CCDC171: variants seen among roughly 807,000 people sequenced by gnomAD.
CCDC171 encodes coiled-coil domain containing 171.
A neutral mutation model predicts 168.2 loss-of-function variants in CCDC171; 177 were observed. That is an observed-to-expected ratio of 1.05 (90% CI 0.93 to 1.19). The LOEUF is 1.19. Among genes scored for constraint, CCDC171 ranks in the 50% most tolerant of loss-of-function variants. CCDC171 has a pLI of 0.00. For missense variants in CCDC171, 1,991 were observed against 1,539.0 expected, an observed-to-expected ratio of 1.29 and a Z score of -4.91; for synonymous variants, 687 against 540.8, an observed-to-expected ratio of 1.27 and a Z score of -3.75.
chr9:15,913,290 A>G lies in CCDC171; in HGVS notation c.3601-6980A>G, dbSNP rs569131974. Among the ~76,000 whole-genome samples the G allele has an allele frequency of 6.6e-5, 10 of 152,198 alleles. No individual in the cohort carries two copies. In the South Asian group the frequency reaches 1.0e-3, roughly 16 times the overall value. On this transcript the variant is annotated intron_variant, in intron 24 of 25. Transcript: ENST00000380701. ...ATGTGTCCAGGAATTTATCCATGTC[A>G]TCTAGATCTTCTAGTTTATTTGCAT... is the stretch of plus-strand genomic sequence containing the variant.
At chr9:15,823,052 G>A (rs1318630282) in intron 21 of CCDC171, among the ~76,000 whole-genome samples, 1 of 152,090 alleles carries the variant, frequency 6.6e-6, no homozygotes, top group African/African-American at 2.4e-5. Flanking sequence ...GGATGAAGCT[G>A]GAAACCATCA....
chr9:15,886,606 A>C (rs942927016), intron 24 of CCDC171: 1 of 152,136 alleles, frequency 6.6e-6, no homozygotes, highest in African/African-American at 2.4e-5. Context: ...CAGCAATCCT[A>C]CTTCTGGGTA....
chr9:15,597,713 A>G (rs1448038221), intron 6 of CCDC171, among the ~76,000 whole-genome samples: 1 of 152,186 alleles, frequency 6.6e-6, no homozygotes, highest in Non-Finnish European at 1.5e-5. Context: ...TAGTTTCAGA[A>G]GGAATGGTAC....
At chr9:15,620,280 T>C (rs1186314393) in intron 6 of CCDC171, among the ~76,000 whole-genome samples, 1 of 152,210 alleles carries the variant, frequency 6.6e-6, no homozygotes, top group Non-Finnish European at 1.5e-5. Context: ...GAAAACTTTC[T>C]GGAAAGGATT....
chr9:16,036,949 A>T (rs1341291436), intron 8 of CCDC171, among the ~76,000 whole-genome samples: 1 of 152,202 alleles, frequency 6.6e-6, no homozygotes, highest in African/African-American at 2.4e-5. Flanking sequence ...GCATGTTTTC[A>T]TTTGTGGGAG....
chr9:15,975,990 A>C (rs1278067996), downstream of CCDC171, among the ~76,000 whole-genome samples: 1 of 152,136 alleles, frequency 6.6e-6, no homozygotes, highest in African/African-American at 2.4e-5. Context: ...GGAGAGGAAA[A>C]GGTGATACGA....
At chr9:15,687,693 G>T (rs1212874257) in intron 10 of CCDC171, among the ~76,000 whole-genome samples, 1 of 151,900 alleles carries the variant, frequency 6.6e-6, no homozygotes, top group Non-Finnish European at 1.5e-5. Context: ...AACGAAAGGG[G>T]GATATAACTA....
At chr9:15,825,218 G>T (rs1473651477) in intron 21 of CCDC171, among the ~76,000 whole-genome samples, 1 of 152,062 alleles carries the variant, frequency 6.6e-6, no homozygotes, top group Non-Finnish European at 1.5e-5. Context: ...ATAGTCTCCT[G>T]CATTAAAGAC....
At chr9:15,631,349 G>C (rs564145742) in intron 7 of CCDC171, among the ~76,000 whole-genome samples, 1 of 152,008 alleles carries the variant, frequency 6.6e-6, no homozygotes, top group East Asian at 1.9e-4. Flanking sequence ...TATCACCACC[G>C]ATCCCACAGA....
At chr9:15,809,213 C>T (rs1170021523) in intron 21 of CCDC171, among the ~76,000 whole-genome samples, 1 of 152,130 alleles carries the variant, frequency 6.6e-6, no homozygotes, top group African/African-American at 2.4e-5. Flanking sequence ...GCACATGTGG[C>T]TGAGAATTAG....
At chr9:15,770,438 A>G (rs951466228) in intron 18 of CCDC171, among the ~76,000 whole-genome samples, 3 of 152,328 alleles carry the variant, frequency 2.0e-5, no homozygotes, top group African/African-American at 7.2e-5. Flanking sequence ...TGGATTTAAA[A>G]TGATTATTCT....
intron 3 of CCDC171, among the ~76,000 whole-genome samples, chr9:15,988,571 G>T (rs1390186335): frequency 6.6e-6 from 1 of 152,184 alleles, no homozygotes; most frequent in African/African-American, 2.4e-5. Context: ...TTGTCAGACA[G>T]TGGGGGTAGG....
intron 21 of CCDC171, among the ~76,000 whole-genome samples, chr9:15,797,876 G>C (rs2058636421): frequency 6.6e-6 from 1 of 152,094 alleles, no homozygotes. Context: ...AGTTATTCCT[G>C]TGCTGTTTAA....
intron 8 of CCDC171, among the ~76,000 whole-genome samples, chr9:15,659,028 A>G (rs1028855177): frequency 1.3e-5 from 2 of 152,320 alleles, no homozygotes; most frequent in South Asian, 4.1e-4. Flanking sequence ...GAAAGTGGGC[A>G]GATGCAGTTG....
chr9:15,866,524 T>G (rs2061794591), intron 23 of CCDC171, among the ~76,000 whole-genome samples: 1 of 151,986 alleles, frequency 6.6e-6, no homozygotes, highest in South Asian at 2.1e-4. Flanking sequence ...AGCAGCCTTT[T>G]TGCTTTAATT....
chr9:15,955,276 G>T (rs564890074), intron 25 of CCDC171, among the ~76,000 whole-genome samples: 8 of 152,204 alleles, frequency 5.3e-5, no homozygotes, highest in South Asian at 2.1e-4. Context: ...GGTCCCAAAG[G>T]GGGGAAAAGA....
chr9:15,781,511 A>T (rs761945730), intron 20 of CCDC171, among the ~76,000 whole-genome samples: 12 of 152,082 alleles, frequency 7.9e-5, no homozygotes, highest in Non-Finnish European at 1.8e-4. Context: ...TCCACCTCCC[A>T]GGTTCAAGGA....
intron 16 of CCDC171, among the ~76,000 whole-genome samples, chr9:15,730,420 A>G (rs2054082158): frequency 6.6e-6 from 1 of 151,964 alleles, no homozygotes; most frequent in Non-Finnish European, 1.5e-5. Context: ...TTATATTGTT[A>G]ACTATCATCT....
intron 7 of CCDC171, among the ~76,000 whole-genome samples, chr9:15,626,855 C>T (rs977668450): frequency 6.6e-6 from 1 of 152,196 alleles, no homozygotes; most frequent in African/African-American, 2.4e-5. Flanking sequence ...AGAGTTCCCT[C>T]TTTTTCTAAT....
Sources: allele counts gnomAD v4.1 joint callset (sites outside exome capture counted in the v4.1 genomes callset), GRCh38; gene constraint gnomAD v4.1.1; transcripts MANE v1.5; gene names NCBI Gene and HGNC (gene_info 2026-07-23, HGNC 2026-07-21).